The following PLEKHG5 variants were observed in gnomAD, a reference collection of about 807,000 sequenced individuals.
The protein encoded by PLEKHG5 is pleckstrin homology and RhoGEF domain containing G5, also known as pleckstrin homology domain-containing family G member 5.
PLEKHG5 carries 52 observed loss-of-function variants against 103.8 expected under a neutral mutation model. The observed-to-expected ratio is 0.50, with a 90% CI of 0.40 to 0.63. The LOEUF (loss-of-function observed/expected upper bound fraction) is 0.63, where lower values mean the gene tolerates loss of function less well. Among genes scored for constraint, PLEKHG5 ranks in the 30% least tolerant of loss-of-function variants. PLEKHG5 has a pLI of 0.00. For missense variants in PLEKHG5, 1,205 were observed against 1,347.6 expected, an observed-to-expected ratio of 0.89 and a Z score of 1.66; for synonymous variants, 592 against 575.5, an observed-to-expected ratio of 1.03 and a Z score of -0.41.
chr1:6,468,405 G>A lies in PLEKHG5; in HGVS notation c.2431C>T (p.Arg811Cys), dbSNP rs538561788. ...TAGGCAGAGTCCATGGAGCAGGAGC[G>A]GCCGTCCACCGGACCCAGGGGCAGC... is the stretch of plus-strand genomic sequence containing the variant. ...ELLPLGPVDG[R>C]SCSMDSAYGT... The change falls in exon 20 of 21, where the codon CGC (arginine) becomes TGC (cysteine). Residue 811 changes from arginine to cysteine, a missense_variant. Coordinates refer to ENST00000377728, the MANE Select transcript of PLEKHG5 (RefSeq NM_020631.6). 205 of 1,611,480 alleles carry A rather than the reference G, an allele frequency of 1.3e-4. 3 individuals carry two copies. In the South Asian group the frequency reaches 1.7e-3, roughly 14 times the overall value.
rs1045605286 is a variant in PLEKHG5 at position 6,471,831 on chromosome 1, G to C, written c.1081-23C>G. 11 of 1,593,240 alleles carry C rather than the reference G, an allele frequency of 6.9e-6. No homozygotes were observed. In the African/African-American group the frequency reaches 1.3e-4, roughly 19 times the overall value. On this transcript the variant is annotated intron_variant, in intron 10 of 20. Transcript: ENST00000377728. ...CAGCTGTGGGATCAGGGGATGGTGT[G>C]ACTGGGGTCGGGAGGCTGTCTCAGC...
chr1:6,508,229 C>A (rs1372157106), intron 1 of PLEKHG5, among the ~76,000 whole-genome samples: 1 of 152,170 alleles, frequency 6.6e-6, no homozygotes, highest in Non-Finnish European at 1.5e-5. Context: ...AGGCTGAACC[C>A]TCCTGAGGGG....
Position 6,475,302 on chromosome 1 carries a change from G to A in PLEKHG5, c.210+160C>T, listed in dbSNP as rs191891713. On this transcript the variant is annotated intron_variant, in intron 4 of 20. Coordinates refer to ENST00000377728, the MANE Select transcript of PLEKHG5 (RefSeq NM_020631.6). ...CCCACCCTCCCCACCCTCCGGTCTCGGATGGGAACCCCAGCAAGAAAGGGA... is the reference window on the plus strand; with the variant it reads ...CCCACCCTCCCCACCCTCCGGTCTCAGATGGGAACCCCAGCAAGAAAGGGA... 3.3e-3 allele frequency among the ~76,000 whole-genome samples: 443 copies of A among 134,958 alleles called. 4 individuals are homozygous for A. Among genetic ancestry groups the A allele is most frequent in the Middle Eastern group, 0.019 (5 of 266 alleles). The allele number at this position is 134,958 out of a possible 152,430, so 88.5% of individuals were successfully genotyped here.
chr1:6,504,215 C>T (rs1478536585), intron 1 of PLEKHG5, among the ~76,000 whole-genome samples: 1 of 152,174 alleles, frequency 6.6e-6, no homozygotes, highest in Non-Finnish European at 1.5e-5. Flanking sequence ...CCTCCGACTC[C>T]AGGACAGTGC....
intron 1 of PLEKHG5, among the ~76,000 whole-genome samples, chr1:6,519,232 T>G (rs1392457144): frequency 6.6e-6 from 1 of 152,220 alleles, no homozygotes; most frequent in Admixed American, 6.5e-5. Context: ...AAATCAGAGC[T>G]GATGGCTCAA....
chr1:6,481,692 G>A (rs563005781), intron 1 of PLEKHG5, among the ~76,000 whole-genome samples: 8 of 150,058 alleles, frequency 5.3e-5, no homozygotes, highest in Admixed American at 3.3e-4. Flanking sequence ...GTGAAACCCC[G>A]TCTCTACTAA....
chr1:6,476,945 C>T (rs1050282862), intron 2 of PLEKHG5, among the ~76,000 whole-genome samples: 1 of 152,108 alleles, frequency 6.6e-6, no homozygotes, highest in Admixed American at 6.6e-5. Context: ...GTATTCCAGA[C>T]ATGAGCCACC....
rs1320979244 is a variant in PLEKHG5 at position 6,467,957 on chromosome 1, A to C, written c.2879T>G (p.Leu960Arg). The change falls in exon 20 of 21, where the codon CTG (leucine) becomes CGG (arginine). Residue 960 changes from leucine to arginine, a missense_variant. By Grantham distance (102) the Leu-to-Arg change is moderately radical (BLOSUM62 -2). Transcript: ENST00000377728. ...GACCCTGGGAGAGGCCCCCGAGGGC[A>C]GGTCTCCACACCTCTTCCTGTGGGA... Reference protein sequence around the residue: ...AGSHRKRCGDLPSGASPRVQP... With the variant: ...AGSHRKRCGDRPSGASPRVQP... The C allele has an allele frequency of 1.3e-6, 2 of 1,568,464 alleles. No individual in the cohort carries two copies. The highest frequency in any genetic ancestry group is 1.7e-6 in the Non-Finnish European group (2 of 1,158,520).
At chr1:6,471,131 G>C in intron 12 of PLEKHG5, 31 bp from the exon 13 acceptor site, 1 of 1,522,532 alleles carries the variant, frequency 6.6e-7, no homozygotes, top group Non-Finnish European at 8.9e-7. Flanking sequence ...CACGGCGCCG[G>C]TTACCGCGCG....
Position 6,475,517 on chromosome 1 carries a change from C to T in PLEKHG5, c.155G>A (p.Arg52Gln), listed in dbSNP as rs1022969911. The change falls in exon 4 of 21, where the codon CGG becomes CAG. Residue 52 changes from arginine (R) to glutamine (Q), a missense_variant. Coordinates refer to ENST00000377728, the MANE Select transcript of PLEKHG5 (RefSeq NM_020631.6). ...EESSVDGKGD[R>Q]KSTGLKLSKK... Reference sequence around the variant, plus strand: ...GGAGAGTTTCAGGCCTGTGCTCTTCCGGTCCCTGCAGGGAAGCGAGGAGGG... The same window carrying T: ...GGAGAGTTTCAGGCCTGTGCTCTTCTGGTCCCTGCAGGGAAGCGAGGAGGG... 2.0e-5 allele frequency: 33 copies of T among 1,613,232 alleles called. No individual in the cohort carries two copies. Among genetic ancestry groups the T allele is most frequent in the Middle Eastern group, 1.6e-4 (1 of 6,082 alleles).
At chr1:6,495,015 C>T (rs528054404), upstream of PLEKHG5, among the ~76,000 whole-genome samples, 1 of 152,358 alleles carries the variant, frequency 6.6e-6, no homozygotes, top group African/African-American at 2.4e-5. Flanking sequence ...GGCCATCCCA[C>T]CCCTGCCCCT....
chr1:6,476,378 T>C (rs1357569497), intron 2 of PLEKHG5, among the ~76,000 whole-genome samples: 1 of 151,994 alleles, frequency 6.6e-6, no homozygotes, highest in Non-Finnish European at 1.5e-5. Flanking sequence ...TTTTTAGTAA[T>C]GACAGGGTTT....
intron 16 of PLEKHG5, 35 bp from the exon 17 acceptor site, chr1:6,469,711 C>A (rs1644510925): frequency 6.2e-7 from 1 of 1,607,168 alleles, no homozygotes; most frequent in Non-Finnish European, 8.5e-7. Flanking sequence ...CCAGAGAGGC[C>A]AGCAGGGTCA....
At chr1:6,489,249 G>A (rs1645099709) in intron 1 of PLEKHG5, among the ~76,000 whole-genome samples, 1 of 152,118 alleles carries the variant, frequency 6.6e-6, no homozygotes, top group Admixed American at 6.5e-5. Context: ...GCCAGCCAGG[G>A]CGGGGTGGCT....
chr1:6,497,008 C>T (rs1418721624), upstream of PLEKHG5: 5 of 1,525,504 alleles, frequency 3.3e-6, no homozygotes, highest in East Asian at 2.5e-5. This position sits in a 1 kb window ranked among gnomAD's most constrained non-coding sequence, Gnocchi z 6.1. Context: ...AGGTCTGGGG[C>T]GACCCCCGTT....
Position 6,470,619 on chromosome 1 carries a change from G to A in PLEKHG5, c.1567C>T (p.His523Tyr). Residue 523 changes from histidine to tyrosine, a missense_variant, in exon 15 of 21, where the codon CAC (histidine) becomes TAC (tyrosine). His to Tyr is a moderately conservative substitution (Grantham distance 83). Transcript: ENST00000377728. The part of the protein sequence containing the change: ...AMIGSVERFI[H>Y]HVNACMRQRQ... Reference sequence around the variant, plus strand: ...TGCCGCATGCACGCGTTCACGTGGTGGATGAAGCGCTCCACGGAGCCGATC... The same window carrying A: ...TGCCGCATGCACGCGTTCACGTGGTAGATGAAGCGCTCCACGGAGCCGATC... 6.3e-7 allele frequency: 1 copy of A among 1,588,974 alleles called. No individual in the cohort carries two copies. The highest frequency in any genetic ancestry group is 1.7e-4 in the Middle Eastern group (1 of 5,936).
intron 1 of PLEKHG5, among the ~76,000 whole-genome samples, chr1:6,515,655 G>A (rs1638592748): frequency 6.6e-6 from 1 of 151,680 alleles, no homozygotes; most frequent in Non-Finnish European, 1.5e-5. Context: ...GCAAGACTCT[G>A]TCTCAGCAAA....
chr1:6,490,315 C>T lies in PLEKHG5; in HGVS notation c.-88+1322G>A, dbSNP rs1276379966. On this transcript the variant is annotated intron_variant, in intron 1 of 20. Coordinates refer to ENST00000377728, the MANE Select transcript of PLEKHG5 (RefSeq NM_020631.6). This position sits in a 1 kb window ranked among gnomAD's most constrained non-coding sequence, Gnocchi z 8.0. ...AATGGAGATACAGCTGGTGAGGACC[C>T]TGTACCCACCCACAGGCCTGGCACT... The T allele has an allele frequency of 3.1e-6, 1 of 320,044 alleles. No individual in the cohort carries two copies. The highest frequency in any genetic ancestry group is 4.5e-6 in the Non-Finnish European group (1 of 222,750). 19.8% of individuals were successfully genotyped at this position (320,044 alleles called of 1,614,324 possible).
rs1303295078 is a variant in PLEKHG5, at chr1:6,471,046, T to C, written c.1336A>G (p.Met446Val). The part of the protein sequence containing the change: ...IRYCMEEEGC[M>V]EYMRGLLRDN... The stretch of plus-strand genomic sequence containing the variant: ...CGCAGCAGGCCGCGCATGTACTCCA[T>C]GCAGCCCTCCTCCTCCATGCAGTAG... The change falls in exon 13 of 21, where the codon ATG (methionine) becomes GTG (valine). Residue 446 changes from methionine to valine, a missense_variant. Physicochemically the swap from Met to Val is conservative, Grantham distance 21 (BLOSUM62 1). Transcript: ENST00000377728. 2.5e-6 allele frequency: 4 copies of C among 1,605,418 alleles called. No homozygotes were observed. Among genetic ancestry groups the C allele is most frequent in the Non-Finnish European group, 3.4e-6 (4 of 1,176,488 alleles).
Sources: gnomAD v4.1 joint callset for allele counts (sites outside exome capture counted in the v4.1 genomes callset) on GRCh38, gnomAD v4.1.1 for gene constraint, Gnocchi (gnomAD v3.1) non-coding constraint, MANE v1.5 for transcripts, NCBI Gene and HGNC (gene_info 2026-07-23, HGNC 2026-07-21) for gene names.